Variants in HCRTR2 observed in about 807,000 individuals in gnomAD.
The protein encoded by HCRTR2 is hypocretin receptor 2.
A neutral mutation model predicts 49.0 loss-of-function variants in HCRTR2; 22 were observed. The observed-to-expected ratio is 0.45, with a 90% confidence interval of 0.32 to 0.64. HCRTR2 has a LOEUF of 0.64. HCRTR2 is among the 30% of genes least tolerant of loss of function. The probability of loss-of-function intolerance (pLI) is 0.04; values close to 1 mark genes in which losing one functional copy is unlikely to be tolerated. For synonymous variants in HCRTR2, 236 were observed against 205.3 expected (o/e 1.15, Z -1.28); for missense variants, 491 against 559.4 (o/e 0.88, Z 1.23).
At chr6:55,211,635 T>C (rs1765697872) in intron 1 of HCRTR2, among the ~76,000 whole-genome samples, 1 of 152,180 alleles carries the variant, frequency 6.6e-6, no homozygotes. Context: ...CTTTTATGAC[T>C]TTTCCTTTTC....
rs187208044 is a variant in HCRTR2 at position 55,141,252 on chromosome 6, G to A, written c.-377-32959G>A. Among the ~76,000 whole-genome samples the A allele has an allele frequency of 3.3e-5, 5 of 152,208 alleles. No individual in the cohort carries two copies. The East Asian group carries it at 7.7e-4, about 24-fold the overall frequency. On this transcript the variant is annotated intron_variant, in intron 1 of 7. Coordinates refer to the HCRTR2 transcript ENST00000615358. The stretch of plus-strand genomic sequence containing the variant: ...CCCTGCTACTCGGGAGGCTGAGGCA[G>A]GAGAATGCGTGAACCCAGGAGGCAG...
chr6:55,149,042 T>C (rs948769231), intron 1 of HCRTR2, among the ~76,000 whole-genome samples: 1 of 152,118 alleles, frequency 6.6e-6, no homozygotes, highest in Admixed American at 6.6e-5. Flanking sequence ...TGAATACTTA[T>C]AACCTTAAGG....
chr6:55,135,040 G>A (rs1233195919), intron 1 of HCRTR2, among the ~76,000 whole-genome samples: 1 of 151,982 alleles, frequency 6.6e-6, no homozygotes, highest in Non-Finnish European at 1.5e-5. Flanking sequence ...GATGAAGAAA[G>A]CTTCGCTAGT....
intron 2 of HCRTR2, among the ~76,000 whole-genome samples, chr6:55,249,795 T>C (rs1766513675): frequency 6.6e-6 from 1 of 152,114 alleles, no homozygotes; most frequent in South Asian, 2.1e-4. Flanking sequence ...TCATCCATCC[T>C]AAAAGATGGA....
chr6:55,189,732 A>G (rs1318905569), intron 1 of HCRTR2, among the ~76,000 whole-genome samples: 3 of 152,166 alleles, frequency 2.0e-5, no homozygotes, highest in Non-Finnish European at 2.9e-5. Context: ...GCAAACTATG[A>G]TGACACACGT....
rs113200163 is a variant in HCRTR2, at chr6:55,128,777, G to A, written c.-378+22232G>A. 7.9e-4 allele frequency among the ~76,000 whole-genome samples: 120 copies of A among 152,094 alleles called. 2 individuals carry two copies. Among genetic ancestry groups the A allele is most frequent in the Admixed American group, 3.3e-4 (5 of 15,254 alleles). On this transcript the variant is annotated intron_variant, in intron 1 of 7. Coordinates refer to the HCRTR2 transcript ENST00000615358. Reference sequence around the variant, plus strand: ...TTAGGTGTAATCAGTAGGAAGAATAGGGAATAGTTAGGTTTACACCACTGT... The same window carrying A: ...TTAGGTGTAATCAGTAGGAAGAATAAGGAATAGTTAGGTTTACACCACTGT...
chr6:55,279,539 A>ACACACACG (rs1767147608), intron 5 of HCRTR2, among the ~76,000 whole-genome samples: 1 of 151,260 alleles, frequency 6.6e-6, no homozygotes, highest in Non-Finnish European at 1.5e-5. Context: ...ACACACACAC[A>ACACACACG]CACACACACA....
intron 1 of HCRTR2, among the ~76,000 whole-genome samples, chr6:55,120,332 T>C (rs1020544442): frequency 6.6e-6 from 1 of 152,078 alleles, no homozygotes; most frequent in African/African-American, 2.4e-5. Context: ...ATTGAATCTA[T>C]AAATTACTTT....
chr6:55,260,245 G>T (rs1480691915), intron 3 of HCRTR2, among the ~76,000 whole-genome samples: 2 of 152,096 alleles, frequency 1.3e-5, no homozygotes, highest in African/African-American at 2.4e-5. Flanking sequence ...GGCTTCGCAG[G>T]TATGTAAGCT....
At chr6:55,179,760 C>T (rs1272565813) in intron 1 of HCRTR2, among the ~76,000 whole-genome samples, 1 of 152,138 alleles carries the variant, frequency 6.6e-6, no homozygotes, top group East Asian at 1.9e-4. Flanking sequence ...TGCCTACATA[C>T]TAAATTGTAT....
chr6:55,264,058 A>T, intron 4 of HCRTR2: 1 of 460,246 alleles, frequency 2.2e-6, no homozygotes, highest in Non-Finnish European at 3.9e-6. Context: ...AATATTCAGG[A>T]AATGTATTTT....
At chr6:55,234,785 G>A (rs1342709021) in intron 1 of HCRTR2, among the ~76,000 whole-genome samples, 2 of 152,088 alleles carry the variant, frequency 1.3e-5, no homozygotes, top group Admixed American at 6.6e-5. Flanking sequence ...AAAACTTAAC[G>A]GCAGTTATGT....
chr6:55,159,290 A>ACAAAAC (rs1764773396), intron 1 of HCRTR2, among the ~76,000 whole-genome samples: 1 of 150,884 alleles, frequency 6.6e-6, no homozygotes, highest in South Asian at 2.1e-4. Context: ...AAAAACAAAA[A>ACAAAAC]CAAAAACAAA....
intron 1 of HCRTR2, among the ~76,000 whole-genome samples, chr6:55,199,122 G>A (rs931279794): frequency 1.3e-5 from 2 of 152,134 alleles, no homozygotes; most frequent in Admixed American, 6.5e-5. Flanking sequence ...GGAGAATTAG[G>A]TTACTGTTAA....
At chr6:55,238,748 A>G (rs1375525117) in intron 1 of HCRTR2, among the ~76,000 whole-genome samples, 1 of 75,986 alleles carries the variant, frequency 1.3e-5, no homozygotes, top group Non-Finnish European at 4.4e-5. Context: ...GATGAGACAT[A>G]AAGTTGTGAG....
chr6:55,258,732 C>T (rs556652589), intron 3 of HCRTR2, among the ~76,000 whole-genome samples: 109 of 152,208 alleles, frequency 7.2e-4, no homozygotes, highest in Non-Finnish European at 1.2e-3. Context: ...TTTGTAAATG[C>T]ATAGTTCTAC....
At chr6:55,229,566 G>A (rs1487804150) in intron 1 of HCRTR2, among the ~76,000 whole-genome samples, 2 of 152,090 alleles carry the variant, frequency 1.3e-5, no homozygotes, top group African/African-American at 4.8e-5. Flanking sequence ...AAAAAGAAGG[G>A]TATCTTTCTG....
At chr6:55,196,375 A>G (rs1177730313) in intron 1 of HCRTR2, among the ~76,000 whole-genome samples, 1 of 152,184 alleles carries the variant, frequency 6.6e-6, no homozygotes, top group East Asian at 1.9e-4. Flanking sequence ...GTTGGGTTTT[A>G]CATATCACCT....
intron 4 of HCRTR2, among the ~76,000 whole-genome samples, chr6:55,264,171 CA>C (rs1410989249): frequency 6.6e-6 from 1 of 151,850 alleles, no homozygotes; most frequent in African/African-American, 2.4e-5. Context: ...TGAGAAATAG[CA>C]AATAAAAATT....
Sources: gnomAD v4.1 joint callset for allele counts (sites outside exome capture counted in the v4.1 genomes callset) on GRCh38, gnomAD v4.1.1 for gene constraint, MANE v1.5 for transcripts, NCBI Gene and HGNC (gene_info 2026-07-23, HGNC 2026-07-21) for gene names.